RGS9: variants seen among roughly 807,000 people sequenced by gnomAD.
The protein encoded by RGS9 is regulator of G protein signaling 9.
RGS9 carries 78 observed loss-of-function variants against 102.0 expected under a neutral mutation model. The observed-to-expected ratio is 0.76, with a 90% CI of 0.64 to 0.92. RGS9 has a LOEUF of 0.92. Ranked by LOEUF, RGS9 falls within the 40% of genes least tolerant of loss-of-function variation. RGS9 has a pLI of 0.00. For missense variants in RGS9, 833 were observed against 866.1 expected (o/e 0.96, Z 0.48); for synonymous variants, 353 against 318.6 (o/e 1.11, Z -1.15).
chr17:65,159,851 C>CTTGGAGTGA (rs1910910919), intron 3 of RGS9, among the ~76,000 whole-genome samples: 1 of 152,104 alleles, frequency 6.6e-6, no homozygotes, highest in African/African-American at 2.4e-5. Flanking sequence ...GTCTGTTGGT[C>CTTGGAGTGA]CAACAGAGAC....
Position 65,210,603 on chromosome 17 carries a change from C to G in RGS9, c.1405C>G (p.Gln469Glu). The change falls in exon 17 of 19, where the codon CAG (glutamine) becomes GAG (glutamate). Residue 469 changes from glutamine (Q) to glutamate (E), a missense_variant and splice_region_variant. Physicochemically the swap from Gln to Glu is conservative, Grantham distance 29 (BLOSUM62 2). Around this residue, in one of 3 missense-constraint regions of RGS9, gnomAD observed 185 missense variants for 248.7 expected, o/e 0.74. Coordinates refer to ENST00000262406, the MANE Select transcript of RGS9 (RefSeq NM_003835.4). ...REAANTVDIT[Q>E]PGQHMAPSPH... ...AGCAGCCAACACTGTGGACATCACC[C>G]AGGTCATGAGCAAGCTGGACCGCAG... The G allele has an allele frequency of 6.2e-7, 1 of 1,613,892 alleles. No homozygotes were observed. Among genetic ancestry groups the G allele is most frequent in the Non-Finnish European group, 8.5e-7 (1 of 1,180,026 alleles).
chr17:65,167,366 A>G (rs1911228745), intron 7 of RGS9, among the ~76,000 whole-genome samples: 1 of 151,464 alleles, frequency 6.6e-6, no homozygotes. Flanking sequence ...CATGCCCGGA[A>G]CATTTTTATA....
chr17:65,154,925 G>T (rs1010095389), intron 2 of RGS9, among the ~76,000 whole-genome samples: 1 of 152,156 alleles, frequency 6.6e-6, no homozygotes, highest in African/African-American at 2.4e-5. Flanking sequence ...CCTAGTCTTT[G>T]CAGAGACAAG....
Position 65,224,861 on chromosome 17 carries a change from C to T in RGS9, c.1408-141C>T. 8.6e-6 allele frequency: 10 copies of T among 1,161,476 alleles called. No homozygotes were observed. In the South Asian group the frequency reaches 1.0e-4, roughly 12 times the overall value. 71.9% of individuals were successfully genotyped at this position (1,161,476 alleles called of 1,614,324 possible). A position where few individuals can be genotyped will look rare whatever the true frequency, so the allele number is the denominator to read the frequency against. ...GTCATAGGTAGCTTTGGACACCGTT[C>T]CCAGCTCCCTAGGAGGCAGCCATAT... On this transcript the variant is annotated intron_variant, in intron 17 of 18. Transcript: ENST00000262406.
chr17:65,187,871 C>T (rs1912188143), intron 9 of RGS9, among the ~76,000 whole-genome samples: 1 of 152,180 alleles, frequency 6.6e-6, no homozygotes, highest in African/African-American at 2.4e-5. Flanking sequence ...TGGTGTGTGC[C>T]TGTAGTCCCA....
chr17:65,171,347 A>C (rs1281375493), intron 8 of RGS9, among the ~76,000 whole-genome samples: 1 of 152,184 alleles, frequency 6.6e-6, no homozygotes, highest in Admixed American at 6.5e-5. Flanking sequence ...TGATGTAGGG[A>C]ATATCACCAT....
intron 8 of RGS9, among the ~76,000 whole-genome samples, chr17:65,169,040 G>A (rs1036703544): frequency 6.6e-6 from 1 of 152,170 alleles, no homozygotes. Flanking sequence ...TCTGGAAACC[G>A]AAGAGTTAGA....
rs60422854 is a variant in RGS9, at chr17:65,186,162, T to TTTTATTTATTTA, written c.655-3085_655-3074dup. Among the ~76,000 whole-genome samples, 262 of 138,040 alleles carry TTTTATTTATTTA rather than the reference T, an allele frequency of 1.9e-3. 1 individual carries two copies. The highest frequency in any genetic ancestry group is 3.5e-3 in the East Asian group (17 of 4,824). 90.6% of individuals were successfully genotyped at this position (138,040 alleles called of 152,430 possible). ...GGCTCTAGTTCACTTTTGGTTTACATTTTATTTATTTATTTATTTATTTAT... is the reference window on the plus strand; with the variant it reads ...GGCTCTAGTTCACTTTTGGTTTACATTTTATTTATTTATTTATTTATTTATTTATTTATTTAT... On this transcript the variant is annotated intron_variant, in intron 9 of 18. Coordinates refer to ENST00000262406, the MANE Select transcript of RGS9 (RefSeq NM_003835.4).
At chr17:65,159,989 T>C (rs1177783098) in intron 3 of RGS9, among the ~76,000 whole-genome samples, 1 of 152,214 alleles carries the variant, frequency 6.6e-6, no homozygotes, top group African/African-American at 2.4e-5. Flanking sequence ...GATTTCCTAG[T>C]TCCCATCTAG....
chr17:65,165,952 A>G (rs571958182), intron 7 of RGS9, among the ~76,000 whole-genome samples: 41 of 152,290 alleles, frequency 2.7e-4, no homozygotes, highest in Non-Finnish European at 4.9e-4. Context: ...TGGCCTATCA[A>G]TTCTAACTCA....
At chr17:65,210,789 T>G in intron 17 of RGS9, 184 bp downstream of exon 17, 1 of 990,480 alleles carries the variant, frequency 1.0e-6, no homozygotes, top group South Asian at 1.6e-5. Context: ...CTCCTCTAAC[T>G]TTCTTCATGG....
intron 14 of RGS9, among the ~76,000 whole-genome samples, chr17:65,202,444 T>TGTGTGTGTGTGTGAGAGA (rs3838367): frequency 1.1e-3 from 151 of 131,758 alleles, no homozygotes; most frequent in Middle Eastern, 4.0e-3. Context: ...TGTGTGTGTG[T>TGTGTGTGTGTGTGAGAGA]GAGAGAGAGA....
rs756410417 is a variant in RGS9, at chr17:65,225,323, C to G, written c.1729C>G (p.Arg577Gly). 3.7e-6 allele frequency: 6 copies of G among 1,610,676 alleles called. No individual in the cohort carries two copies. The highest frequency in any genetic ancestry group is 1.3e-5 in the African/African-American group (1 of 74,924). The change falls in exon 18 of 19, where the codon CGC becomes GGC. Residue 577 changes from arginine (R) to glycine (G), a missense_variant. Arg to Gly is a moderately radical substitution (Grantham distance 125). Around this residue, in one of 3 missense-constraint regions of RGS9, gnomAD observed 320 missense variants for 276.8 expected, o/e 1.16. Coordinates refer to ENST00000262406, the MANE Select transcript of RGS9 (RefSeq NM_003835.4). ...RSRPRAPPKA[R>G]MALSFSRFLR... is the part of the protein sequence containing the mutation. ...CCGGCCCAGGGCCCCTCCTAAGGCC[C>G]GCATGGCTCTGTCCTTCAGCAGGTT... is the stretch of plus-strand genomic sequence containing the variant.
intron 15 of RGS9, among the ~76,000 whole-genome samples, chr17:65,205,099 G>A (rs570765085): frequency 1.1e-4 from 17 of 152,128 alleles, no homozygotes; most frequent in African/African-American, 3.9e-4. Context: ...GTGCGAATGC[G>A]GTGGGAATTT....
intron 1 of RGS9, among the ~76,000 whole-genome samples, 185 bp from the exon 2 acceptor site, chr17:65,153,237 C>T (rs1910645884): frequency 6.6e-6 from 1 of 152,218 alleles, no homozygotes; most frequent in African/African-American, 2.4e-5. Flanking sequence ...GGATCTGTGT[C>T]TGTGGAGCAC....
At chr17:65,159,561 TG>T (rs1244373827) in intron 3 of RGS9, among the ~76,000 whole-genome samples, 1 of 151,966 alleles carries the variant, frequency 6.6e-6, no homozygotes, top group Non-Finnish European at 1.5e-5. Context: ...GTCCTTGGGC[TG>T]GGGGGTCCTG....
At chr17:65,169,688 A>G (rs1911335652) in intron 8 of RGS9, among the ~76,000 whole-genome samples, 2 of 152,202 alleles carry the variant, frequency 1.3e-5, no homozygotes, top group Non-Finnish European at 2.9e-5. Context: ...ATTAACATGA[A>G]AAATTGATCA....
intron 12 of RGS9, among the ~76,000 whole-genome samples, chr17:65,195,785 C>A (rs2144077343): frequency 6.6e-6 from 1 of 152,350 alleles, no homozygotes; most frequent in South Asian, 2.1e-4. Context: ...GCTGTCTCAC[C>A]ACTATCAGCG....
In RGS9 at chr17:65,173,155, C is replaced by T. The variant is rs1488647257; in HGVS notation, c.583-4577C>T. On this transcript the variant is annotated intron_variant, in intron 8 of 18. Coordinates refer to ENST00000262406, the MANE Select transcript of RGS9 (RefSeq NM_003835.4). This position sits in a 1 kb window ranked among gnomAD's most constrained non-coding sequence, Gnocchi z 4.8. Reference sequence around the variant, plus strand: ...GCCAGGCTGGTCTCGAACTCCTGACCTCATGATCTGCCGGCCTCAGGCTTT... The same window carrying T: ...GCCAGGCTGGTCTCGAACTCCTGACTTCATGATCTGCCGGCCTCAGGCTTT... Among the ~76,000 whole-genome samples the T allele has an allele frequency of 1.3e-5, 2 of 152,100 alleles. No homozygotes were observed. The highest frequency in any genetic ancestry group is 2.4e-5 in the African/African-American group (1 of 41,422).
Sources: allele counts gnomAD v4.1 joint callset (sites outside exome capture counted in the v4.1 genomes callset), GRCh38; gene constraint gnomAD v4.1.1; regional missense constraint gnomAD v4.1.1; non-coding constraint Gnocchi (gnomAD v3.1); transcripts MANE v1.5; gene names NCBI Gene and HGNC (gene_info 2026-07-23, HGNC 2026-07-21).